ZNF385D: variants seen among roughly 807,000 people sequenced by gnomAD.
ZNF385D encodes the protein zinc finger protein 385D.
In ZNF385D, 15 loss-of-function variants were observed where a neutral mutation model predicts 35.8. The ratio of observed to expected loss-of-function variants is 0.42; its 90% confidence interval spans 0.28 to 0.64. ZNF385D has a LOEUF of 0.64. Ranked by LOEUF, ZNF385D falls within the 30% of genes least tolerant of loss-of-function variation. The pLI is 0.23. For missense variants in ZNF385D, 474 were observed against 494.6 expected (o/e 0.96, Z 0.39); for synonymous variants, 212 against 186.8 (o/e 1.13, Z -1.10).
intron 2 of ZNF385D, among the ~76,000 whole-genome samples, chr3:22,370,999 A>G (rs1422417043): frequency 6.6e-6 from 1 of 152,180 alleles, no homozygotes; most frequent in Non-Finnish European, 1.5e-5. Flanking sequence ...CCATTCCCCT[A>G]GTCTACATTT....
intron 2 of ZNF385D, among the ~76,000 whole-genome samples, chr3:21,575,124 A>C (rs2063458176): frequency 1.3e-5 from 2 of 152,334 alleles, no homozygotes; most frequent in African/African-American, 4.8e-5. Flanking sequence ...CTTTACAGAT[A>C]CGTAAAAATG....
At chr3:22,016,601 T>G (rs1208068379) in intron 3 of ZNF385D, among the ~76,000 whole-genome samples, 1 of 152,042 alleles carries the variant, frequency 6.6e-6, no homozygotes, top group Non-Finnish European at 1.5e-5. Context: ...AATCACATCT[T>G]CTCATTTTCC....
chr3:22,262,236 C>T (rs1700669587), intron 2 of ZNF385D, among the ~76,000 whole-genome samples: 1 of 151,838 alleles, frequency 6.6e-6, no homozygotes, highest in African/African-American at 2.4e-5. Flanking sequence ...GAGACATGAG[C>T]TATTCTGTGA....
intron 2 of ZNF385D, among the ~76,000 whole-genome samples, chr3:22,364,714 G>A (rs1052089653): frequency 1.3e-5 from 2 of 152,084 alleles, no homozygotes; most frequent in Non-Finnish European, 2.9e-5. Flanking sequence ...GAAGTATTAT[G>A]TCATCTAGCA....
At chr3:21,893,560 T>C (rs1350507351) in intron 3 of ZNF385D, among the ~76,000 whole-genome samples, 1 of 152,148 alleles carries the variant, frequency 6.6e-6, no homozygotes. Context: ...CTTTATTGTG[T>C]CCTTAAATAA....
rs1201980440 is a variant in ZNF385D, at chr3:22,241,841, A to C, written c.107-72806T>G. ...CATCATTTGAAATTCCAGGAATTTC[A>C]AGAGTACAGATAACTCTTGAATATT... On this transcript the variant is annotated intron_variant, in intron 2 of 5. Transcript: ENST00000494108. Among the ~76,000 whole-genome samples the C allele has an allele frequency of 1.3e-5, 2 of 150,994 alleles. 1 individual carries two copies. Among genetic ancestry groups the C allele is most frequent in the Non-Finnish European group, 2.9e-5 (2 of 67,964 alleles).
intron 2 of ZNF385D, among the ~76,000 whole-genome samples, chr3:22,247,520 C>T (rs376981828): frequency 1.2e-3 from 180 of 152,012 alleles, no homozygotes; most frequent in African/African-American, 4.0e-3. Context: ...GAGAACCATA[C>T]GGTATAATTT....
intron 3 of ZNF385D, among the ~76,000 whole-genome samples, chr3:21,936,670 A>G (rs1701275630): frequency 1.3e-5 from 2 of 152,198 alleles, no homozygotes; most frequent in South Asian, 2.1e-4. Context: ...AGCCATGTAT[A>G]CCCAGTTATT....
chr3:22,041,096 G>T (rs931530978), intron 3 of ZNF385D, among the ~76,000 whole-genome samples: 4 of 151,956 alleles, frequency 2.6e-5, no homozygotes, highest in Admixed American at 1.3e-4. Context: ...CAGTTCTCCC[G>T]CTCTGTCACT....
chr3:22,345,014 C>T (rs1695593847), intron 2 of ZNF385D, among the ~76,000 whole-genome samples: 1 of 152,076 alleles, frequency 6.6e-6, no homozygotes, highest in Admixed American at 6.5e-5. Context: ...TTCAGGAAAC[C>T]TTATTCTGAG....
intron 2 of ZNF385D, among the ~76,000 whole-genome samples, chr3:22,292,867 T>C (rs1702373148): frequency 6.6e-6 from 1 of 152,150 alleles, no homozygotes; most frequent in South Asian, 2.1e-4. Context: ...AAGCAGCAGC[T>C]GCTGTAATTG....
intron 1 of ZNF385D, among the ~76,000 whole-genome samples, chr3:21,726,431 A>T (rs1301335621): frequency 6.6e-6 from 1 of 152,186 alleles, no homozygotes; most frequent in Non-Finnish European, 1.5e-5. Flanking sequence ...AGAAAACTCC[A>T]TCATCTCAGC....
At chr3:21,906,845 T>C (rs1050454875) in intron 3 of ZNF385D, among the ~76,000 whole-genome samples, 4 of 152,200 alleles carry the variant, frequency 2.6e-5, no homozygotes, top group Admixed American at 2.0e-4. Flanking sequence ...CTTCAAGGTC[T>C]TGCATTCACA....
At chr3:21,648,806 G>C (rs1265854718) in intron 2 of ZNF385D, among the ~76,000 whole-genome samples, 1 of 152,152 alleles carries the variant, frequency 6.6e-6, no homozygotes. Context: ...ACTAAGGCTA[G>C]GTGTGTTCCA....
intron 2 of ZNF385D, among the ~76,000 whole-genome samples, chr3:22,276,269 G>A (rs1028236107): frequency 1.3e-5 from 2 of 152,034 alleles, no homozygotes; most frequent in Non-Finnish European, 2.9e-5. Context: ...TTCAGAATAT[G>A]TATGATAAAG....
At chr3:21,562,293 T>C (rs933906157) in intron 3 of ZNF385D, among the ~76,000 whole-genome samples, 2 of 152,126 alleles carry the variant, frequency 1.3e-5, no homozygotes, top group Non-Finnish European at 2.9e-5. Context: ...TTAAAAATTA[T>C]ATATAAAAAT....
intron 2 of ZNF385D, among the ~76,000 whole-genome samples, chr3:22,205,012 TACAAGAAGG>T (rs1189103435): frequency 6.9e-6 from 1 of 144,900 alleles, no homozygotes; most frequent in African/African-American, 2.5e-5. Flanking sequence ...AATATCCATG[TACAAGAAGG>T]TTATAGAACA....
At chr3:22,310,641 A>G (rs1196062492) in intron 2 of ZNF385D, among the ~76,000 whole-genome samples, 2 of 151,946 alleles carry the variant, frequency 1.3e-5, no homozygotes, top group African/African-American at 2.4e-5. Context: ...TTTCTTAGAA[A>G]GAGAAGTAAA....
chr3:22,120,254 G>C (rs906533529), intron 3 of ZNF385D, among the ~76,000 whole-genome samples: 1 of 152,000 alleles, frequency 6.6e-6, no homozygotes, highest in African/African-American at 2.4e-5. Context: ...AGTTGTGGAG[G>C]ATAGAAGTCT....
Sources: allele counts gnomAD v4.1 joint callset (sites outside exome capture counted in the v4.1 genomes callset), GRCh38; gene constraint gnomAD v4.1.1; transcripts MANE v1.5; gene names NCBI Gene and HGNC (gene_info 2026-07-23, HGNC 2026-07-21).